The following APAF1 variants were observed in gnomAD, a reference collection of about 807,000 sequenced individuals.
The protein encoded by APAF1 is apoptotic peptidase activating factor 1.
A neutral mutation model predicts 152.4 loss-of-function variants in APAF1; 91 were observed. That is an observed-to-expected ratio of 0.60 (90% confidence interval 0.50 to 0.71). The LOEUF is 0.71. Ranked by LOEUF, APAF1 falls within the 30% of genes least tolerant of loss-of-function variation. The pLI is 0.00. For synonymous variants in APAF1, 484 were observed against 494.1 expected, an observed-to-expected ratio of 0.98 and a Z score of 0.27; for missense variants, 1,283 against 1,472.0, an observed-to-expected ratio of 0.87 and a Z score of 2.10.
intron 5 of APAF1, among the ~76,000 whole-genome samples, chr12:98,660,263 T>G (rs1214115261): frequency 6.6e-6 from 1 of 152,082 alleles, no homozygotes; most frequent in Non-Finnish European, 1.5e-5. Context: ...GGAGGATCAC[T>G]TGAGCCTATG....
intron 6 of APAF1, 28 bp downstream of exon 6, chr12:98,662,596 A>G: frequency 6.2e-7 from 1 of 1,602,634 alleles, no homozygotes; most frequent in Non-Finnish European, 8.5e-7. Flanking sequence ...ACTTTTTAGT[A>G]CCTTTATATT....
At chr12:98,699,913 C>CT (rs1444324227) in intron 17 of APAF1, among the ~76,000 whole-genome samples, 4 of 152,170 alleles carry the variant, frequency 2.6e-5, no homozygotes, top group Non-Finnish European at 2.9e-5. Context: ...ACATAGAATG[C>CT]TTTCTTCATC....
intron 9 of APAF1, among the ~76,000 whole-genome samples, chr12:98,666,927 C>T (rs944451425): frequency 1.3e-5 from 2 of 151,886 alleles, no homozygotes; most frequent in Non-Finnish European, 2.9e-5. Flanking sequence ...CTCAAGTGAT[C>T]CACCTGTCTT....
intron 1 of APAF1, among the ~76,000 whole-genome samples, chr12:98,647,705 GTTTTTTT>G (rs66849928): frequency 3.8e-5 from 4 of 105,558 alleles, no homozygotes; most frequent in African/African-American, 1.1e-4. Context: ...TCATGTTTCT[GTTTTTTT>G]TTTTTTTTTT....
intron 4 of APAF1, among the ~76,000 whole-genome samples, chr12:98,652,831 G>A (rs2097650631): frequency 6.6e-6 from 1 of 151,930 alleles, no homozygotes; most frequent in Admixed American, 6.6e-5. Flanking sequence ...TCTCCATGTT[G>A]GTCAGGCTGG....
intron 4 of APAF1, among the ~76,000 whole-genome samples, chr12:98,658,033 C>A (rs886254144): frequency 6.6e-6 from 1 of 151,798 alleles, no homozygotes; most frequent in African/African-American, 2.4e-5. Context: ...AAATAAATTG[C>A]CCTTTGGTGT....
intron 7 of APAF1, among the ~76,000 whole-genome samples, chr12:98,664,726 G>A (rs1039163996): frequency 6.6e-6 from 1 of 151,636 alleles, no homozygotes; most frequent in African/African-American, 2.4e-5. Context: ...GTAGGGACAG[G>A]GTCTCACTAT....
chr12:98,723,857 T>C, intron 24 of APAF1, 93 bp downstream of exon 24: 1 of 1,276,776 alleles, frequency 7.8e-7, no homozygotes, highest in Admixed American at 1.7e-5. Context: ...TAACAGTTGC[T>C]CTCTACATGT....
At chr12:98,665,278 A>ATATTTTT (rs1491316422) in intron 7 of APAF1, among the ~76,000 whole-genome samples, 6 of 65,990 alleles carry the variant, frequency 9.1e-5, no homozygotes, top group African/African-American at 3.4e-4. Context: ...ATATATATAT[A>ATATTTTT]TTTTTTTTTT....
At chr12:98,655,370 C>T (rs1304874612) in intron 4 of APAF1, among the ~76,000 whole-genome samples, 2 of 151,034 alleles carry the variant, frequency 1.3e-5, no homozygotes, top group Non-Finnish European at 3.0e-5. Flanking sequence ...GGGTGGTGGC[C>T]GGGCAGAGGG....
chr12:98,697,829 T>C (rs995188066), intron 16 of APAF1, among the ~76,000 whole-genome samples: 25 of 152,358 alleles, frequency 1.6e-4, no homozygotes, highest in African/African-American at 6.0e-4. Flanking sequence ...TGTAAAATTA[T>C]GTCCTGCCCC....
At chr12:98,687,713 A>G (rs1199936920) in intron 16 of APAF1, among the ~76,000 whole-genome samples, 1 of 152,200 alleles carries the variant, frequency 6.6e-6, no homozygotes, top group Non-Finnish European at 1.5e-5. Flanking sequence ...CCATCTCTCA[A>G]TACTTGCATC....
chr12:98,701,150 G>A (rs930293711), intron 17 of APAF1, among the ~76,000 whole-genome samples: 6 of 152,118 alleles, frequency 3.9e-5, no homozygotes, highest in African/African-American at 1.4e-4. Flanking sequence ...ATATATTTAT[G>A]TATATAATGG....
At chr12:98,645,982 A>G (rs1311080888) in intron 1 of APAF1, 147 bp downstream of exon 1, 3 of 152,236 alleles carry the variant, frequency 2.0e-5, no homozygotes, top group Non-Finnish European at 4.4e-5. Flanking sequence ...ATGAGGAAGT[A>G]GTAAACTTGG....
At chr12:98,666,387 T>C (rs749221771) in intron 9 of APAF1, 30 bp downstream of exon 9, 9 of 1,596,348 alleles carry the variant, frequency 5.6e-6, no homozygotes, top group Non-Finnish European at 6.8e-6. Flanking sequence ...CTTTTTTTTT[T>C]CCTTTTTCCT....
At chr12:98,665,278 A>ATATTTTTTTTT (rs1491316422) in intron 7 of APAF1, among the ~76,000 whole-genome samples, 1 of 66,012 alleles carries the variant, frequency 1.5e-5, no homozygotes, top group African/African-American at 5.7e-5. Flanking sequence ...ATATATATAT[A>ATATTTTTTTTT]TTTTTTTTTT....
chr12:98,670,798 T>G, intron 10 of APAF1, 175 bp from the exon 11 acceptor site: 13 of 501,878 alleles, frequency 2.6e-5, no homozygotes, highest in Admixed American at 3.5e-5. Context: ...AGCTGAAGTA[T>G]GAGGCCCATT....
intron 7 of APAF1, among the ~76,000 whole-genome samples, chr12:98,665,153 C>T (rs1309128156): frequency 1.3e-5 from 2 of 151,230 alleles, no homozygotes; most frequent in Admixed American, 1.3e-4. Flanking sequence ...CCTCAGCCTC[C>T]TAAGTAGCCG....
At chr12:98,725,682 C>A in intron 25 of APAF1, 142 bp downstream of exon 25, 1 of 1,146,266 alleles carries the variant, frequency 8.7e-7, no homozygotes, top group Non-Finnish European at 1.3e-6. Context: ...GTTTCTTGTG[C>A]ACATTGTATT....
Sources: gnomAD v4.1 joint callset for allele counts (sites outside exome capture counted in the v4.1 genomes callset) on GRCh38, gnomAD v4.1.1 for gene constraint, MANE v1.5 for transcripts, NCBI Gene and HGNC (gene_info 2026-07-23, HGNC 2026-07-21) for gene names.